Variants in LRRIQ3 observed in about 807,000 individuals in gnomAD.
LRRIQ3 encodes the protein leucine rich repeats and IQ motif containing 3.
Under a neutral mutation model 59.3 loss-of-function variants are expected in LRRIQ3, and 75 were observed. The ratio of observed to expected loss-of-function variants is 1.26; its 90% CI spans 1.05 to 1.53. LRRIQ3 has a LOEUF of 1.53. LRRIQ3 is among the 40% of genes most tolerant of loss of function. LRRIQ3 has a pLI of 0.00. For missense variants in LRRIQ3, 831 were observed against 710.0 expected (o/e 1.17, Z -1.94); for synonymous variants, 250 against 231.3 (o/e 1.08, Z -0.73).
chr1:74,071,474 C>T (rs1286325863), intron 6 of LRRIQ3, among the ~76,000 whole-genome samples: 1 of 152,096 alleles, frequency 6.6e-6, no homozygotes, highest in Non-Finnish European at 1.5e-5. Context: ...AACTCATAAT[C>T]CTCACTAGAG....
intron 6 of LRRIQ3, among the ~76,000 whole-genome samples, chr1:74,072,102 T>C (rs1203604526): frequency 6.6e-6 from 1 of 152,130 alleles, no homozygotes; most frequent in Non-Finnish European, 1.5e-5. Flanking sequence ...ATCACCATTA[T>C]ATTTAGCCAC....
chr1:74,141,691 TACA>T (rs942277884), intron 4 of LRRIQ3, among the ~76,000 whole-genome samples: 2 of 151,878 alleles, frequency 1.3e-5, no homozygotes, highest in Non-Finnish European at 2.9e-5. Context: ...TTCTGATTTT[TACA>T]ACAATTTTAT....
At chr1:74,195,230 G>A (rs904125682) in intron 1 of LRRIQ3, among the ~76,000 whole-genome samples, 6 of 152,164 alleles carry the variant, frequency 3.9e-5, no homozygotes, top group African/African-American at 1.4e-4. Flanking sequence ...ATGTCAGGAA[G>A]GGTAACAGGA....
chr1:74,109,977 A>G (rs1646671921), intron 4 of LRRIQ3, among the ~76,000 whole-genome samples: 1 of 151,938 alleles, frequency 6.6e-6, no homozygotes, highest in East Asian at 1.9e-4. Context: ...CTTCATTACA[A>G]ACTAGGAAAT....
chr1:74,173,653 T>C (rs567500910), intron 3 of LRRIQ3, among the ~76,000 whole-genome samples: 2 of 152,204 alleles, frequency 1.3e-5, no homozygotes, highest in South Asian at 2.1e-4. Context: ...GTCACTGATA[T>C]CATACTTTTC....
At position 74,078,128 on chromosome 1, in the gene LRRIQ3, G is replaced by A. The variant is rs186072368; in HGVS notation, c.868-3338C>T. 7.9e-4 allele frequency among the ~76,000 whole-genome samples: 120 copies of A among 151,810 alleles called. 1 individual carries two copies. Among genetic ancestry groups the A allele is most frequent in the East Asian group, 1.9e-4 (1 of 5,180 alleles). ...ATTAATTCAGGTTCAAATATCCTTC[G>A]CATGGTAAACCTGTATTCAGCAGTA... On this transcript the variant is annotated intron_variant, in intron 5 of 7. Coordinates refer to ENST00000354431, the MANE Select transcript of LRRIQ3 (RefSeq NM_001105659.2).
chr1:74,128,704 T>A (rs541616522), intron 4 of LRRIQ3, among the ~76,000 whole-genome samples: 2 of 152,202 alleles, frequency 1.3e-5, no homozygotes, highest in South Asian at 2.1e-4. Context: ...TTTATTGGAC[T>A]CTTTGCAGTC....
At chr1:74,112,941 A>G (rs544286160) in intron 4 of LRRIQ3, among the ~76,000 whole-genome samples, 1 of 152,266 alleles carries the variant, frequency 6.6e-6, no homozygotes, top group East Asian at 1.9e-4. Context: ...TGTAAATTAT[A>G]TACAAAATAG....
At chr1:74,088,252 TAACAC>T (rs1646352391) in intron 5 of LRRIQ3, among the ~76,000 whole-genome samples, 1 of 152,072 alleles carries the variant, frequency 6.6e-6, no homozygotes, top group African/African-American at 2.4e-5. Context: ...TCAGAGAAAA[TAACAC>T]AACATTCATA....
chr1:74,088,401 A>AT (rs1434704209), intron 5 of LRRIQ3, among the ~76,000 whole-genome samples: 4 of 152,078 alleles, frequency 2.6e-5, no homozygotes, highest in African/African-American at 4.8e-5. Context: ...GATTCTTAAG[A>AT]TTTTTTGTCC....
chr1:74,103,054 A>G lies in LRRIQ3; in HGVS notation c.867+6340T>C, dbSNP rs189238955. ...TTCTCTATAGATTCTTCTGACAAAT[A>G]TCTTATACTTCTACCTAAGTAGACA... On this transcript the variant is annotated intron_variant, in intron 5 of 7. Transcript: ENST00000354431. 1.2e-3 allele frequency among the ~76,000 whole-genome samples: 184 copies of G among 152,060 alleles called. 1 individual carries two copies. The highest frequency in any genetic ancestry group is 4.4e-3 in the African/African-American group (181 of 41,518).
intron 3 of LRRIQ3, among the ~76,000 whole-genome samples, chr1:74,160,652 G>A (rs1648607811): frequency 6.6e-6 from 1 of 151,898 alleles, no homozygotes; most frequent in African/African-American, 2.4e-5. Flanking sequence ...TCTGTCAAAG[G>A]TCAGTTTCTC....
At chr1:74,158,528 A>G (rs545973162) in intron 3 of LRRIQ3, among the ~76,000 whole-genome samples, 1 of 152,132 alleles carries the variant, frequency 6.6e-6, no homozygotes, top group Non-Finnish European at 1.5e-5. Context: ...TGGGAGACTC[A>G]GTTCCTTCCC....
chr1:74,102,643 T>C (rs1262210582), intron 5 of LRRIQ3, among the ~76,000 whole-genome samples: 1 of 152,016 alleles, frequency 6.6e-6, no homozygotes, highest in African/African-American at 2.4e-5. Context: ...AGAATTGATA[T>C]CAAGATCTCA....
intron 7 of LRRIQ3, among the ~76,000 whole-genome samples, chr1:74,040,103 A>G (rs1653996839): frequency 6.6e-6 from 1 of 151,990 alleles, no homozygotes; most frequent in African/African-American, 2.4e-5. Flanking sequence ...TACCAAGCAA[A>G]TGGAAAGGAA....
At chr1:74,080,362 T>C (rs989408344) in intron 5 of LRRIQ3, among the ~76,000 whole-genome samples, 2 of 151,712 alleles carry the variant, frequency 1.3e-5, no homozygotes, top group African/African-American at 2.4e-5. Flanking sequence ...TATAGAACTC[T>C]CCACAATTGA....
intron 4 of LRRIQ3, among the ~76,000 whole-genome samples, chr1:74,127,059 T>C (rs2100600083): frequency 6.6e-6 from 1 of 152,052 alleles, no homozygotes; most frequent in African/African-American, 2.4e-5. Flanking sequence ...ATATTTAAAA[T>C]TGTTATATCC....
intron 4 of LRRIQ3, among the ~76,000 whole-genome samples, chr1:74,153,595 G>T (rs1196578194): frequency 6.6e-6 from 1 of 152,088 alleles, no homozygotes; most frequent in Non-Finnish European, 1.5e-5. Context: ...CCTAACATGT[G>T]TCAGGCATTC....
At chr1:74,166,682 C>T (rs571656567) in intron 3 of LRRIQ3, among the ~76,000 whole-genome samples, 1 of 151,946 alleles carries the variant, frequency 6.6e-6, no homozygotes, top group South Asian at 2.1e-4. Flanking sequence ...AAATTTTCCT[C>T]TAAGCATTGC....
Sources: gnomAD v4.1 joint callset for allele counts (sites outside exome capture counted in the v4.1 genomes callset) on GRCh38, gnomAD v4.1.1 for gene constraint, MANE v1.5 for transcripts, NCBI Gene and HGNC (gene_info 2026-07-23, HGNC 2026-07-21) for gene names.